The following GOLGA3 variants were observed in gnomAD, a reference collection of about 807,000 sequenced individuals.
GOLGA3 encodes golgin A3.
In GOLGA3, 75 loss-of-function variants were observed where a neutral mutation model predicts 169.4. The observed-to-expected ratio is 0.44, with a 90% CI of 0.37 to 0.54. GOLGA3 has a LOEUF of 0.54. Ranked by LOEUF, GOLGA3 falls within the 20% of genes least tolerant of loss-of-function variation. The pLI, the probability that GOLGA3 is intolerant of heterozygous loss-of-function variation, is 0.00. For missense variants in GOLGA3, 1,899 were observed against 1,930.0 expected, an observed-to-expected ratio of 0.98 and a Z score of 0.30; for synonymous variants, 824 against 822.4, an observed-to-expected ratio of 1.00 and a Z score of -0.03.
At chr12:132,815,541 A>T (rs372150865) in intron 3 of GOLGA3, among the ~76,000 whole-genome samples, 1 of 152,270 alleles carries the variant, frequency 6.6e-6, no homozygotes, top group Non-Finnish European at 1.5e-5. Flanking sequence ...TGTGAAATGC[A>T]GTCTGATTTC....
chr12:132,795,330 A>C (rs1468381809), intron 11 of GOLGA3, among the ~76,000 whole-genome samples: 1 of 152,206 alleles, frequency 6.6e-6, no homozygotes, highest in Non-Finnish European at 1.5e-5. Context: ...CATCTCTACT[A>C]CAAATACAAA....
At position 132,808,327 on chromosome 12, in the gene GOLGA3, C is replaced by T. The variant is rs751568008; in HGVS notation, c.742G>A (p.Asp248Asn). ...SKSSKIRSLA[D>N]YRTEDSNAGN... ...GCATTTGAATCTTCAGTTCTGTAAT[C>T]GGCCAGAGACCGGATTTTGCTTGAT... The change falls in exon 5 of 24, where the codon GAT becomes AAT. Residue 248 changes from aspartate to asparagine, a missense_variant. Physicochemically the swap from Asp to Asn is conservative, Grantham distance 23. Transcript: ENST00000450791. 9.9e-6 allele frequency: 16 copies of T among 1,614,014 alleles called. No individual in the cohort carries two copies. Among genetic ancestry groups the T allele is most frequent in the South Asian group, 7.7e-5 (7 of 91,088 alleles).
chr12:132,799,794 G>A (rs1376993812), intron 8 of GOLGA3, among the ~76,000 whole-genome samples: 1 of 151,928 alleles, frequency 6.6e-6, no homozygotes, highest in Admixed American at 6.6e-5. Context: ...AGTGTGGAGT[G>A]CAGCAGCGCA....
chr12:132,827,013 G>A (rs1950447016), intron 1 of GOLGA3, among the ~76,000 whole-genome samples: 1 of 152,134 alleles, frequency 6.6e-6, no homozygotes, highest in Non-Finnish European at 1.5e-5. Flanking sequence ...AACTGCGAAA[G>A]GTACACACAA....
At position 132,777,562 on chromosome 12, in the gene GOLGA3, A is replaced by C; in HGVS notation, c.3722+104T>G. ...CTATGATTCACTCAAGTACTCGGCA[A>C]TTTGCAAAATATAGATGACCCTCGC... On this transcript the variant is annotated intron_variant, in intron 19 of 23. Coordinates refer to ENST00000450791, the MANE Select transcript of GOLGA3 (RefSeq NM_001389683.1). The surrounding 1 kb of genome is among the most constrained non-coding windows in gnomAD (Gnocchi z 4.7). 17 of 1,294,896 alleles carry C rather than the reference A, an allele frequency of 1.3e-5. No homozygotes were observed. Among genetic ancestry groups the C allele is most frequent in the South Asian group, 2.7e-5 (2 of 73,634 alleles). The allele number at this position is 1,294,896 out of a possible 1,614,324, so 80.2% of individuals were successfully genotyped here. A position where few individuals can be genotyped will look rare whatever the true frequency, so the allele number is the denominator to read the frequency against.
rs3741487 is a variant in GOLGA3 at position 132,808,301 on chromosome 12, C to T, written c.768G>A (p.Ala256=). 3,964 of 1,614,114 alleles carry T rather than the reference C, an allele frequency of 2.5e-3. 78 individuals carry two copies. The East Asian group carries it at 0.06, about 24-fold the overall frequency. ...CCGGGACATTTCCCCCAGAATTCCC[C>T]GCATTTGAATCTTCAGTTCTGTAAT... ...LADYRTEDSN[A]GNSGGNVPAP... Residue 256 remains alanine (A), a synonymous_variant, in exon 5 of 24, where the codon GCG becomes GCA. Coordinates refer to ENST00000450791, the MANE Select transcript of GOLGA3 (RefSeq NM_001389683.1).
At chr12:132,774,442 C>T (rs140600337) in intron 22 of GOLGA3, 122 bp from the exon 23 acceptor site, 13,079 of 1,096,512 alleles carry the variant, frequency 0.012, 113 homozygotes, top group Non-Finnish European at 0.015. Context: ...GGGAAGGGGA[C>T]CGTCCTGGCC....
At position 132,769,408 on chromosome 12, in the gene GOLGA3, G is replaced by C. The variant is rs2044795027; in HGVS notation, c.*3697C>G. On this transcript the variant is annotated 3_prime_UTR_variant, in exon 24 of 24. Coordinates refer to ENST00000450791, the MANE Select transcript of GOLGA3 (RefSeq NM_001389683.1). The stretch of plus-strand genomic sequence containing the variant: ...GAACCCTGCACCAAGGAGAGTTGAG[G>C]GCCAGCTCCTTAGCGCAGCACAGCA... 6.6e-6 allele frequency: 1 copy of C among 152,230 alleles called. No homozygotes were observed. Among genetic ancestry groups the C allele is most frequent in the African/African-American group, 2.4e-5 (1 of 41,444 alleles). 9.4% of individuals were successfully genotyped at this position (152,230 alleles called of 1,614,324 possible).
chr12:132,792,426 C>G (rs140900251), intron 11 of GOLGA3, among the ~76,000 whole-genome samples: 3,812 of 152,360 alleles, frequency 0.025, 67 homozygotes, highest in Non-Finnish European at 0.041. Flanking sequence ...GTTTACAGAA[C>G]CCGGTGTTGG....
intron 18 of GOLGA3, among the ~76,000 whole-genome samples, chr12:132,779,260 G>A (rs1415409603): frequency 6.6e-6 from 1 of 152,092 alleles, no homozygotes; most frequent in African/African-American, 2.4e-5. Context: ...TGTATTCATA[G>A]TAGAGACAGG....
intron 18 of GOLGA3, among the ~76,000 whole-genome samples, chr12:132,780,357 C>A (rs889609116): frequency 6.6e-6 from 1 of 152,192 alleles, no homozygotes; most frequent in African/African-American, 2.4e-5. Flanking sequence ...CAGGATGGGC[C>A]TCTGCTGGCG....
At chr12:132,797,863 G>A (rs190276585) in intron 9 of GOLGA3, among the ~76,000 whole-genome samples, 20 of 152,364 alleles carry the variant, frequency 1.3e-4, no homozygotes, top group African/African-American at 4.1e-4. Context: ...GGTTGCTGGA[G>A]GGTTAAATGG....
intron 3 of GOLGA3, among the ~76,000 whole-genome samples, chr12:132,815,964 C>G (rs1055054752): frequency 6.6e-6 from 1 of 152,238 alleles, no homozygotes; most frequent in Non-Finnish European, 1.5e-5. Flanking sequence ...TTTGGGAGGC[C>G]AAGGCAGGCA....
intron 4 of GOLGA3, among the ~76,000 whole-genome samples, chr12:132,810,637 A>G (rs934279636): frequency 2.6e-5 from 4 of 152,218 alleles, no homozygotes; most frequent in East Asian, 1.9e-4. Context: ...TGTTATGCCC[A>G]GACAGGGCCA....
chr12:132,812,260 A>G (rs938558581), intron 4 of GOLGA3, among the ~76,000 whole-genome samples: 1 of 151,756 alleles, frequency 6.6e-6, no homozygotes, highest in Non-Finnish European at 1.5e-5. Flanking sequence ...ACAATACGCC[A>G]GATCACCTAA....
intron 13 of GOLGA3, among the ~76,000 whole-genome samples, chr12:132,788,157 GC>G (rs2046026150): frequency 6.6e-6 from 1 of 151,912 alleles, no homozygotes. Flanking sequence ...CGGCACCAGC[GC>G]TAATCCATCA....
chr12:132,810,627 T>C (rs1949655005), intron 4 of GOLGA3, among the ~76,000 whole-genome samples: 1 of 152,252 alleles, frequency 6.6e-6, no homozygotes, highest in Non-Finnish European at 1.5e-5. Flanking sequence ...GCGAGCCTTC[T>C]GTTATGCCCA....
chr12:132,777,790 C>A lies in GOLGA3; in HGVS notation c.3598G>T (p.Val1200Leu). The change falls in exon 19 of 24, where the codon GTG becomes TTG. Residue 1200 changes from valine (V) to leucine (L), a missense_variant. Transcript: ENST00000450791. This position sits in a 1 kb window ranked among gnomAD's most constrained non-coding sequence, Gnocchi z 4.7. The stretch of plus-strand genomic sequence containing the variant: ...TGGCGGCGGTTATGCCCGGCTTCCA[C>A]CTTGGCAGCAGCCACCTAGGAGGAA... ...SLKEQVAAAKVEAGHNRRHFK... is the reference protein window; with the variant it reads ...SLKEQVAAAKLEAGHNRRHFK... 6.2e-7 allele frequency: 1 copy of A among 1,613,604 alleles called. No individual in the cohort carries two copies. The highest frequency in any genetic ancestry group is 8.5e-7 in the Non-Finnish European group (1 of 1,179,882).
At chr12:132,826,797 C>T (rs1950432832) in intron 1 of GOLGA3, among the ~76,000 whole-genome samples, 2 of 152,164 alleles carry the variant, frequency 1.3e-5, no homozygotes, top group African/African-American at 2.4e-5. Context: ...ATGACTCAGT[C>T]GTCAGGGCCT....
Sources: gnomAD v4.1 joint callset for allele counts (sites outside exome capture counted in the v4.1 genomes callset) on GRCh38, gnomAD v4.1.1 for gene constraint, Gnocchi (gnomAD v3.1) non-coding constraint, MANE v1.5 for transcripts, NCBI Gene and HGNC (gene_info 2026-07-23, HGNC 2026-07-21) for gene names.